PLXDC2: variants seen among roughly 807,000 people sequenced by gnomAD.
PLXDC2 encodes plexin domain-containing protein 2.
Under a neutral mutation model 68.9 loss-of-function variants are expected in PLXDC2, and 40 were observed. The observed-to-expected ratio is 0.58, with a 90% CI of 0.45 to 0.76. PLXDC2 has a LOEUF of 0.76. PLXDC2 is among the 30% of genes least tolerant of loss of function. PLXDC2 has a pLI of 0.00. For synonymous variants in PLXDC2, 243 were observed against 234.2 expected, an observed-to-expected ratio of 1.04 and a Z score of -0.34; for missense variants, 644 against 661.9, an observed-to-expected ratio of 0.97 and a Z score of 0.30.
In PLXDC2 at chr10:20,245,332, G is replaced by A; in HGVS notation, c.1313-13G>A. The A allele has an allele frequency of 6.2e-7, 1 of 1,604,262 alleles. No homozygotes were observed. The highest frequency in any genetic ancestry group is 8.5e-7 in the Non-Finnish European group (1 of 1,175,992). ...AACTCATGAAGGTCCTGACAGCTGG[G>A]ATGTTCTTTCAGCTTCTACAGATGA... On this transcript the variant is annotated splice_polypyrimidine_tract_variant and intron_variant, in intron 12 of 13. Transcript: ENST00000377252.
chr10:20,068,430 G>A (rs1445960852), intron 4 of PLXDC2, among the ~76,000 whole-genome samples, 191 bp downstream of exon 4: 2 of 151,804 alleles, frequency 1.3e-5, no homozygotes, highest in Admixed American at 1.3e-4. Context: ...GACAAAAAAA[G>A]TATTTATAAT....
intron 3 of PLXDC2, among the ~76,000 whole-genome samples, chr10:20,059,567 G>C (rs1343112447): frequency 1.3e-5 from 2 of 152,220 alleles, no homozygotes; most frequent in Non-Finnish European, 2.9e-5. Flanking sequence ...AAGTGCTGAA[G>C]AGGTTAGAAC....
chr10:20,094,040 A>G (rs1386327056), intron 4 of PLXDC2, among the ~76,000 whole-genome samples: 1 of 152,202 alleles, frequency 6.6e-6, no homozygotes, highest in African/African-American at 2.4e-5. Flanking sequence ...TCCCACATTA[A>G]TTGGAAACAG....
intron 3 of PLXDC2, among the ~76,000 whole-genome samples, chr10:20,061,820 T>C (rs1005687355): frequency 7.2e-5 from 11 of 152,254 alleles, no homozygotes; most frequent in Non-Finnish European, 1.2e-4. Flanking sequence ...CTAATTGTGA[T>C]ACCGATTCTA....
At chr10:19,842,162 C>G (rs1457936255) in intron 1 of PLXDC2, among the ~76,000 whole-genome samples, 1 of 152,082 alleles carries the variant, frequency 6.6e-6, no homozygotes, top group Non-Finnish European at 1.5e-5. Context: ...CCTGTGATCT[C>G]AGCTACTCTG....
chr10:20,050,525 G>A (rs192967818), intron 3 of PLXDC2, among the ~76,000 whole-genome samples: 33 of 150,498 alleles, frequency 2.2e-4, no homozygotes, highest in Admixed American at 7.3e-4. Flanking sequence ...AGAAAAAAAC[G>A]CATTAAAAAG....
intron 4 of PLXDC2, among the ~76,000 whole-genome samples, chr10:20,108,241 A>G (rs774564838): frequency 1.3e-5 from 2 of 152,122 alleles, no homozygotes; most frequent in African/African-American, 2.4e-5. Flanking sequence ...TGGGTTCTGT[A>G]AGGCTTAGAG....
intron 1 of PLXDC2, among the ~76,000 whole-genome samples, chr10:19,906,297 TC>T (rs1413663003): frequency 6.6e-6 from 1 of 152,024 alleles, no homozygotes; most frequent in East Asian, 1.9e-4. Context: ...TACTCACAGA[TC>T]CCAGGAGAAG....
chr10:20,197,728 G>T (rs1425820600), intron 9 of PLXDC2, among the ~76,000 whole-genome samples: 1 of 149,912 alleles, frequency 6.7e-6, no homozygotes, highest in Non-Finnish European at 1.5e-5. Context: ...GTGTGATCTC[G>T]GCTCACTGCA....
At chr10:20,189,556 C>CACATAT (rs369119157) in intron 9 of PLXDC2, among the ~76,000 whole-genome samples, 9 of 124,758 alleles carry the variant, frequency 7.2e-5, no homozygotes, top group East Asian at 6.5e-4. Flanking sequence ...CACACACACA[C>CACATAT]ATATATATAT....
intron 3 of PLXDC2, 111 bp downstream of exon 3, chr10:20,047,126 C>T: frequency 1.8e-6 from 2 of 1,136,200 alleles, no homozygotes; most frequent in Non-Finnish European, 2.4e-6. Flanking sequence ...TTAGAATGGC[C>T]TTATCTGTGG....
intron 2 of PLXDC2, among the ~76,000 whole-genome samples, chr10:20,025,720 G>C (rs984179914): frequency 1.3e-5 from 2 of 151,852 alleles, no homozygotes; most frequent in African/African-American, 4.8e-5. Context: ...CAAGTCTTTT[G>C]CCCATTTTTA....
In PLXDC2 at chr10:20,261,578, G is replaced by C. The variant is rs1156288732; in HGVS notation, c.1473+16073G>C. Among the ~76,000 whole-genome samples, 3 of 152,274 alleles carry C rather than the reference G, an allele frequency of 2.0e-5. No individual in the cohort carries two copies. The East Asian group carries it at 5.8e-4, about 29-fold the overall frequency. The stretch of plus-strand genomic sequence containing the variant: ...CTATAATTTAAAAGATAATCTGCCG[G>C]GGGTAGTGGCTCATGCTTGTAATCC... On this transcript the variant is annotated intron_variant, in intron 13 of 13. Coordinates refer to ENST00000377252, the MANE Select transcript of PLXDC2 (RefSeq NM_032812.9).
intron 7 of PLXDC2, among the ~76,000 whole-genome samples, chr10:20,165,336 T>C (rs1325051259): frequency 6.6e-6 from 1 of 152,124 alleles, no homozygotes; most frequent in Non-Finnish European, 1.5e-5. Context: ...TGCAGGTTAT[T>C]TACATATGTA....
intron 4 of PLXDC2, among the ~76,000 whole-genome samples, chr10:20,098,146 C>T (rs1380522017): frequency 6.6e-6 from 1 of 152,002 alleles, no homozygotes; most frequent in Non-Finnish European, 1.5e-5. Flanking sequence ...TTTATTCTCT[C>T]ACAGTTCTGG....
At chr10:20,163,868 A>G (rs1834338513) in intron 6 of PLXDC2, among the ~76,000 whole-genome samples, 1 of 152,186 alleles carries the variant, frequency 6.6e-6, no homozygotes, top group Non-Finnish European at 1.5e-5. Flanking sequence ...AAGAACTGTG[A>G]CATTGAGATG....
At chr10:20,232,026 C>G (rs1023354998) in intron 12 of PLXDC2, among the ~76,000 whole-genome samples, 2 of 151,464 alleles carry the variant, frequency 1.3e-5, no homozygotes, top group Non-Finnish European at 2.9e-5. Flanking sequence ...AAATTAAATT[C>G]TGTGTTCATC....
intron 4 of PLXDC2, among the ~76,000 whole-genome samples, chr10:20,070,285 C>A (rs930074559): frequency 6.6e-6 from 1 of 152,128 alleles, no homozygotes; most frequent in Non-Finnish European, 1.5e-5. Flanking sequence ...GAAGTTAGTA[C>A]ATTTAACTGG....
chr10:19,837,652 A>C (rs1028937819), intron 1 of PLXDC2, among the ~76,000 whole-genome samples: 2 of 152,222 alleles, frequency 1.3e-5, no homozygotes, highest in African/African-American at 4.8e-5. Flanking sequence ...CCAAAATGCA[A>C]AATTAATGGA....
Sources: allele counts gnomAD v4.1 joint callset (sites outside exome capture counted in the v4.1 genomes callset), GRCh38; gene constraint gnomAD v4.1.1; transcripts MANE v1.5; gene names NCBI Gene and HGNC (gene_info 2026-07-23, HGNC 2026-07-21).